PAPSS2: variants seen among roughly 807,000 people sequenced by gnomAD.
The protein encoded by PAPSS2 is 3'-phosphoadenosine 5'-phosphosulfate synthase 2.
Under a neutral mutation model 66.5 loss-of-function variants are expected in PAPSS2, and 61 were observed. That is an observed-to-expected ratio of 0.92 (90% CI 0.75 to 1.14). The LOEUF (loss-of-function observed/expected upper bound fraction) is 1.14, where lower values mean the gene tolerates loss of function less well. PAPSS2 is among the 50% of genes most tolerant of loss of function. The pLI, the probability that PAPSS2 is intolerant of heterozygous loss-of-function variation, is 0.00. For synonymous variants in PAPSS2, 289 were observed against 287.5 expected (o/e 1.01, Z -0.05); for missense variants, 708 against 789.6 (o/e 0.90, Z 1.24).
At chr10:87,665,245 A>T (rs1360256007) in intron 1 of PAPSS2, among the ~76,000 whole-genome samples, 1 of 150,704 alleles carries the variant, frequency 6.6e-6, no homozygotes, top group African/African-American at 2.4e-5. Context: ...AGAGTCTCGC[A>T]CTGTCACCCA....
chr10:87,736,797 A>C (rs908906826), intron 9 of PAPSS2, among the ~76,000 whole-genome samples: 1 of 152,194 alleles, frequency 6.6e-6, no homozygotes, highest in Admixed American at 6.5e-5. Flanking sequence ...TCTGCATCAG[A>C]ATATGGTAGT....
intron 1 of PAPSS2, among the ~76,000 whole-genome samples, chr10:87,700,182 C>T (rs1283993673): frequency 1.3e-5 from 2 of 152,052 alleles, no homozygotes; most frequent in African/African-American, 2.4e-5. Flanking sequence ...GATAATATTG[C>T]TATGAACATC....
chr10:87,681,182 G>A (rs1188116450), intron 1 of PAPSS2, among the ~76,000 whole-genome samples: 1 of 152,202 alleles, frequency 6.6e-6, no homozygotes, highest in African/African-American at 2.4e-5. Context: ...CCAAGGTTGA[G>A]AAACCCTGCT....
At chr10:87,701,623 C>T (rs1853318106) in intron 1 of PAPSS2, among the ~76,000 whole-genome samples, 1 of 151,950 alleles carries the variant, frequency 6.6e-6, no homozygotes, top group African/African-American at 2.4e-5. Context: ...TAGTATCTCA[C>T]TACGTTCCCC....
intron 9 of PAPSS2, among the ~76,000 whole-genome samples, chr10:87,733,144 C>G (rs954935495): frequency 2.0e-5 from 3 of 152,174 alleles, no homozygotes; most frequent in African/African-American, 7.2e-5. Flanking sequence ...GAATCCTGGG[C>G]CTTATTCTAT....
At chr10:87,719,746 G>A (rs1853572740) in intron 7 of PAPSS2, among the ~76,000 whole-genome samples, 1 of 152,154 alleles carries the variant, frequency 6.6e-6, no homozygotes, top group Non-Finnish European at 1.5e-5. Flanking sequence ...GGTTTTTCTA[G>A]CGTCTGGAGA....
chr10:87,724,423 A>G (rs1331320480), intron 8 of PAPSS2, among the ~76,000 whole-genome samples: 3 of 151,920 alleles, frequency 2.0e-5, no homozygotes, highest in Non-Finnish European at 2.9e-5. Flanking sequence ...TGGCTCCCAC[A>G]CTAAAGAACC....
At chr10:87,671,332 T>A (rs1488141406) in intron 1 of PAPSS2, among the ~76,000 whole-genome samples, 1 of 152,220 alleles carries the variant, frequency 6.6e-6, no homozygotes, top group Admixed American at 6.5e-5. Flanking sequence ...TAGGGGCTTT[T>A]TGTAATGTTG....
intron 9 of PAPSS2, among the ~76,000 whole-genome samples, chr10:87,737,540 G>A (rs182518374): frequency 7.9e-5 from 12 of 152,190 alleles, no homozygotes; most frequent in Admixed American, 7.2e-4. Flanking sequence ...CAACTCCCGC[G>A]GTCAGGCATG....
chr10:87,731,170 T>C (rs554848654), intron 9 of PAPSS2, among the ~76,000 whole-genome samples: 74 of 152,338 alleles, frequency 4.9e-4, no homozygotes, highest in Non-Finnish European at 8.7e-4. Context: ...CCAGTGCTCA[T>C]TGGCCATTCT....
In PAPSS2 at chr10:87,660,804, GAAAAA is replaced by G. The variant is rs61018901; in HGVS notation, c.27+822_27+826del. ...TTTGTCAATTATACCCCAATAAACT[GAAAAA>G]AAAAAAAAAAAAAAAAAAAAAAAAA... On this transcript the variant is annotated intron_variant, in intron 1 of 12. Coordinates refer to ENST00000456849, the MANE Select transcript of PAPSS2 (RefSeq NM_001015880.2). Among the ~76,000 whole-genome samples the G allele has an allele frequency of 2.5e-3, 283 of 114,082 alleles. 2 individuals are homozygous for G. Among genetic ancestry groups the G allele is most frequent in the African/African-American group, 7.6e-3 (246 of 32,462 alleles). The allele number at this position is 114,082 out of a possible 152,430, so 74.8% of individuals were successfully genotyped here.
At chr10:87,710,129 G>T (rs1283721271) in intron 2 of PAPSS2, among the ~76,000 whole-genome samples, 2 of 152,160 alleles carry the variant, frequency 1.3e-5, no homozygotes, top group Non-Finnish European at 2.9e-5. Context: ...TGTTTATTCA[G>T]GTTATAAAAT....
intron 1 of PAPSS2, among the ~76,000 whole-genome samples, chr10:87,706,084 G>GTGTATATATATATA (rs1459705587): frequency 3.3e-4 from 20 of 60,178 alleles, no homozygotes; most frequent in African/African-American, 1.1e-3. Context: ...TCTTCACATG[G>GTGTATATATATATA]TATATATATA....
intron 8 of PAPSS2, among the ~76,000 whole-genome samples, 197 bp from the exon 9 acceptor site, chr10:87,727,087 T>C (rs1476777552): frequency 6.6e-6 from 1 of 152,250 alleles, no homozygotes; most frequent in Non-Finnish European, 1.5e-5. Context: ...TATGCTCCAC[T>C]TGCTTTGGGA....
At chr10:87,702,163 G>C (rs983788808) in intron 1 of PAPSS2, among the ~76,000 whole-genome samples, 1 of 152,210 alleles carries the variant, frequency 6.6e-6, no homozygotes, top group African/African-American at 2.4e-5. Context: ...TTATAGTGTA[G>C]TATGAAAAGC....
At chr10:87,671,658 T>G (rs749224095) in intron 1 of PAPSS2, among the ~76,000 whole-genome samples, 2 of 152,202 alleles carry the variant, frequency 1.3e-5, no homozygotes, top group Admixed American at 1.3e-4. Flanking sequence ...GTTCTCTGGA[T>G]GTACTAGAGG....
intron 8 of PAPSS2, among the ~76,000 whole-genome samples, chr10:87,724,784 A>T (rs1479972446): frequency 1.3e-5 from 2 of 150,034 alleles, no homozygotes; most frequent in Non-Finnish European, 3.0e-5. Context: ...AATAGATAAC[A>T]ATATATCTGT....
At chr10:87,688,626 A>AT (rs1315743019) in intron 1 of PAPSS2, among the ~76,000 whole-genome samples, 1 of 151,418 alleles carries the variant, frequency 6.6e-6, no homozygotes, top group Non-Finnish European at 1.5e-5. Flanking sequence ...CGCCTGGCTA[A>AT]TTTTTTTGTA....
At position 87,727,351 on chromosome 10, in the gene PAPSS2, A is replaced by G; in HGVS notation, c.948A>G (p.Glu316=). ...CTGCAGAGGATAAGACACGGCTGGA[A>G]GGGTGCAGCAAGTTTGTCCTGGCAC... is the stretch of plus-strand genomic sequence containing the variant. ...PVSAEDKTRL[E]GCSKFVLAHG... Residue 316 remains glutamate, a synonymous_variant, in exon 9 of 13, where the codon GAA becomes GAG. Coordinates refer to ENST00000456849, the MANE Select transcript of PAPSS2 (RefSeq NM_001015880.2). The G allele has an allele frequency of 6.2e-7, 1 of 1,614,116 alleles. No individual in the cohort carries two copies. The highest frequency in any genetic ancestry group is 2.2e-5 in the East Asian group (1 of 44,878).
Sources: allele counts gnomAD v4.1 joint callset (sites outside exome capture counted in the v4.1 genomes callset), GRCh38; gene constraint gnomAD v4.1.1; transcripts MANE v1.5; gene names NCBI Gene and HGNC (gene_info 2026-07-23, HGNC 2026-07-21).